AZIN2: variants seen among roughly 807,000 people sequenced by gnomAD.
AZIN2 encodes ODC antizyme inhibitor-2.
A neutral mutation model predicts 47.8 loss-of-function variants in AZIN2; 28 were observed. The ratio of observed to expected loss-of-function variants is 0.59; its 90% confidence interval spans 0.43 to 0.80. The LOEUF is 0.80. Among genes scored for constraint, AZIN2 ranks in the 30% least tolerant of loss-of-function variants. The pLI, the probability that AZIN2 is intolerant of heterozygous loss-of-function variation, is 0.00. For missense variants in AZIN2, 535 were observed against 582.5 expected, an observed-to-expected ratio of 0.92 and a Z score of 0.84; for synonymous variants, 221 against 239.4, an observed-to-expected ratio of 0.92 and a Z score of 0.71.
At chr1:33,105,855 A>G (rs1643978923) in intron 10 of AZIN2, among the ~76,000 whole-genome samples, 1 of 152,212 alleles carries the variant, frequency 6.6e-6, no homozygotes, top group South Asian at 2.1e-4. Flanking sequence ...TTTTATAAGA[A>G]TCTTGGCAGG....
At chr1:33,156,732 C>T in the AZIN2 span, among the ~76,000 whole-genome samples, 1 of 152,304 alleles carries the variant, frequency 6.6e-6, no homozygotes, top group African/African-American at 2.4e-5. Flanking sequence ...CTTGTCATCC[C>T]TACTGCCTTT....
Position 33,118,018 on chromosome 1 carries a change from G to A in AZIN2, c.1146G>A (p.Leu382=), listed in dbSNP as rs1052754937. The A allele has an allele frequency of 1.4e-5, 23 of 1,587,462 alleles. No individual in the cohort carries two copies. The highest frequency in any genetic ancestry group is 1.7e-5 in the Non-Finnish European group (20 of 1,167,856). ...WLPQLHVGDW[L]VFDNMGAYTV... is the part of the protein sequence containing the mutation. ...CGCAACTACACGTAGGGGACTGGCT[G>A]GTCTTTGACAACATGGGCGCCTACA... Residue 382 remains leucine (L), a synonymous_variant, in exon 11 of 12, where the codon CTG becomes CTA. Coordinates refer to ENST00000294517, the MANE Select transcript of AZIN2 (RefSeq NM_052998.4).
intron 6 of AZIN2, 97 bp downstream of exon 6, chr1:33,092,319 C>G (rs930696536): frequency 9.5e-5 from 42 of 442,570 alleles, no homozygotes; most frequent in Non-Finnish European, 1.2e-4. Context: ...GGAGGCTGGG[C>G]TGAGGGAAGG....
the AZIN2 span, among the ~76,000 whole-genome samples, chr1:33,134,074 G>A: frequency 2.6e-5 from 4 of 152,212 alleles, no homozygotes; most frequent in East Asian, 1.9e-4. Flanking sequence ...ACCCAGATCC[G>A]CATGTTGCCA....
downstream of AZIN2, among the ~76,000 whole-genome samples, chr1:33,126,569 C>T (rs781679771): frequency 2.0e-5 from 3 of 152,058 alleles, no homozygotes; most frequent in Non-Finnish European, 4.4e-5. Flanking sequence ...GGCTCCTTGT[C>T]AGCTCCTGAA....
At chr1:33,135,112 C>T in the AZIN2 span, among the ~76,000 whole-genome samples, 3 of 152,110 alleles carry the variant, frequency 2.0e-5, no homozygotes, top group African/African-American at 4.8e-5. Flanking sequence ...ATGGTGAAAC[C>T]CCGTCTCTAC....
downstream of AZIN2, among the ~76,000 whole-genome samples, chr1:33,127,869 A>G (rs1644868081): frequency 6.6e-6 from 1 of 152,096 alleles, no homozygotes; most frequent in South Asian, 2.1e-4. Flanking sequence ...CTTCACTCGC[A>G]TTATTCAATT....
chr1:33,097,200 C>T (rs1417245618), intron 9 of AZIN2, among the ~76,000 whole-genome samples: 1 of 152,170 alleles, frequency 6.6e-6, no homozygotes, highest in African/African-American at 2.4e-5. Context: ...TAAGAGCCTG[C>T]ATTTGACCCC....
chr1:33,085,249 T>G (rs756500227), intron 5 of AZIN2, among the ~76,000 whole-genome samples: 169 of 148,842 alleles, frequency 1.1e-3, no homozygotes, highest in Non-Finnish European at 1.7e-3. Flanking sequence ...AAAAAAAAGA[T>G]GAAATAAAGA....
chr1:33,159,401 C>T, the AZIN2 span, among the ~76,000 whole-genome samples: 2 of 152,152 alleles, frequency 1.3e-5, no homozygotes, highest in African/African-American at 4.8e-5. The surrounding 1 kb of genome is among the most constrained non-coding windows in gnomAD (Gnocchi z 4.2). Context: ...CAGATCCTTT[C>T]TCTCCTGCAC....
At chr1:33,097,417 G>A (rs938710554) in intron 9 of AZIN2, among the ~76,000 whole-genome samples, 1 of 152,162 alleles carries the variant, frequency 6.6e-6, no homozygotes, top group Non-Finnish European at 1.5e-5. Flanking sequence ...CTGACTCAGC[G>A]CTTCTGGGCC....
chr1:33,110,576 G>GA (rs1644242495), intron 10 of AZIN2, among the ~76,000 whole-genome samples: 1 of 152,088 alleles, frequency 6.6e-6, no homozygotes, highest in African/African-American at 2.4e-5. Flanking sequence ...AACTAGAAAT[G>GA]AAAAATATGA....
intron 5 of AZIN2, among the ~76,000 whole-genome samples, chr1:33,089,370 GGA>G (rs1356325692): frequency 2.0e-5 from 3 of 152,152 alleles, no homozygotes; most frequent in Middle Eastern, 3.2e-3. Context: ...GGCCAAGGCA[GGA>G]GGACTGCTTG....
chr1:33,125,733 C>CCCTTTCCTTTCCTTTCCTTT (rs59708630), downstream of AZIN2, among the ~76,000 whole-genome samples: 1 of 151,896 alleles, frequency 6.6e-6, no homozygotes, highest in African/African-American at 2.4e-5. Context: ...TCATCACACG[C>CCCTTTCCTTTCCTTTCCTTT]CCTTTCCTTT....
intron 10 of AZIN2, among the ~76,000 whole-genome samples, chr1:33,115,490 G>A (rs1272152551): frequency 6.6e-6 from 1 of 151,374 alleles, no homozygotes; most frequent in East Asian, 1.9e-4. Flanking sequence ...GATCACCTGA[G>A]GTCAGGAGTT....
rs931819714 is a variant in AZIN2 at position 33,120,839 on chromosome 1, G to A, written c.*657G>A. ...AGGCCTGGCCCAGAGTAGGGGCAAT[G>A]GAGTATTTAACACAGCTGTGGAAAT... On this transcript the variant is annotated 3_prime_UTR_variant, in exon 12 of 12. Transcript: ENST00000294517. Among the ~76,000 whole-genome samples, 4 of 152,228 alleles carry A rather than the reference G, an allele frequency of 2.6e-5. No homozygotes were observed. Among genetic ancestry groups the A allele is most frequent in the African/African-American group, 7.2e-5 (3 of 41,450 alleles).
chr1:33,118,401 C>A, intron 11 of AZIN2: 1 of 306,928 alleles, frequency 3.3e-6, no homozygotes, highest in Non-Finnish European at 6.0e-6. Flanking sequence ...CCCAGGCCTC[C>A]CTGAGGAAGT....
At chr1:33,119,899 AG>A in intron 11 of AZIN2, 144 bp from the exon 12 acceptor site, 3 of 1,061,144 alleles carry the variant, frequency 2.8e-6, no homozygotes, top group Non-Finnish European at 4.0e-6. Flanking sequence ...GCAGTTGGGG[AG>A]GGGTCAGCAG....
intron 5 of AZIN2, among the ~76,000 whole-genome samples, chr1:33,088,326 A>G (rs933887265): frequency 6.6e-6 from 1 of 151,988 alleles, no homozygotes; most frequent in African/African-American, 2.4e-5. Flanking sequence ...ACCACATGCA[A>G]TCTATCACCC....
Sources: allele counts gnomAD v4.1 joint callset (sites outside exome capture counted in the v4.1 genomes callset), GRCh38; gene constraint gnomAD v4.1.1; non-coding constraint Gnocchi (gnomAD v3.1); transcripts MANE v1.5; gene names NCBI Gene and HGNC (gene_info 2026-07-23, HGNC 2026-07-21).